Variants in LSG1 observed in about 807,000 individuals in gnomAD.
The protein encoded by LSG1 is large 60S subunit nuclear export GTPase 1.
In LSG1, 55 loss-of-function variants were observed where a neutral mutation model predicts 82.6. The ratio of observed to expected loss-of-function variants is 0.67; its 90% confidence interval spans 0.54 to 0.83. LSG1 has a LOEUF of 0.83. Ranked by LOEUF, LSG1 falls within the 40% of genes least tolerant of loss-of-function variation. The probability of loss-of-function intolerance (pLI) is 0.00; values close to 1 mark genes in which losing one functional copy is unlikely to be tolerated. For missense variants in LSG1, 809 were observed against 807.9 expected (o/e 1.00, Z -0.02); for synonymous variants, 272 against 282.5 (o/e 0.96, Z 0.37).
At chr3:194,664,157 T>TC (rs1350122421) in intron 5 of LSG1, among the ~76,000 whole-genome samples, 130 of 152,276 alleles carry the variant, frequency 8.5e-4, no homozygotes, top group Non-Finnish European at 4.4e-5. Context: ...TTCACCACGT[T>TC]CCTCAGGCTG....
At chr3:194,663,971 G>C (rs1368117757) in intron 5 of LSG1, among the ~76,000 whole-genome samples, 1 of 152,132 alleles carries the variant, frequency 6.6e-6, no homozygotes, top group East Asian at 1.9e-4. Context: ...TTTAGTCCAA[G>C]TACTGTTTTC....
At chr3:194,644,944 T>G (rs1175561208) in intron 12 of LSG1, 198 bp from the exon 13 acceptor site, 13 of 407,578 alleles carry the variant, frequency 3.2e-5, no homozygotes, top group Admixed American at 8.7e-5. Context: ...GACCTAGCTC[T>G]TCCCATGGCG....
At chr3:194,643,092 A>G (rs891411423) in intron 13 of LSG1, among the ~76,000 whole-genome samples, 4 of 152,224 alleles carry the variant, frequency 2.6e-5, no homozygotes, top group Non-Finnish European at 5.9e-5. Flanking sequence ...TATTTTCGCT[A>G]TAGTAGTCAC....
At chr3:194,653,894 C>T (rs1718739534) in intron 7 of LSG1, among the ~76,000 whole-genome samples, 1 of 152,168 alleles carries the variant, frequency 6.6e-6, no homozygotes, top group Non-Finnish European at 1.5e-5. Context: ...AAAACCACCA[C>T]CACAACAACA....
chr3:194,671,913 G>A (rs1012714268), intron 1 of LSG1, 151 bp downstream of exon 1: 8 of 706,784 alleles, frequency 1.1e-5, no homozygotes, highest in African/African-American at 1.8e-5. Flanking sequence ...CAGGAGGAGG[G>A]CCTGCTACTC....
intron 12 of LSG1, chr3:194,645,495 T>TACACACACAC (rs56936610): frequency 6.4e-5 from 4 of 62,030 alleles, no homozygotes; most frequent in Non-Finnish European, 9.1e-5. Flanking sequence ...AGCTTAGTGC[T>TACACACACAC]ACACACACAC....
chr3:194,659,860 T>C (rs1417924788), intron 6 of LSG1, among the ~76,000 whole-genome samples: 1 of 152,250 alleles, frequency 6.6e-6, no homozygotes, highest in African/African-American at 2.4e-5. Flanking sequence ...CTCATTTAAG[T>C]GTCTGTGCCT....
At chr3:194,671,985 T>G in intron 1 of LSG1, 79 bp downstream of exon 1, 1 of 1,367,010 alleles carries the variant, frequency 7.3e-7, no homozygotes. Flanking sequence ...CCTGCAAAAC[T>G]TATCTGACTT....
At chr3:194,662,980 C>T (rs1387400076) in intron 5 of LSG1, among the ~76,000 whole-genome samples, 4 of 152,130 alleles carry the variant, frequency 2.6e-5, no homozygotes, top group African/African-American at 9.7e-5. Context: ...CACCACTAGA[C>T]ACCTGAGGAA....
At chr3:194,644,812 C>G in intron 12 of LSG1, 66 bp from the exon 13 acceptor site, 1 of 1,339,262 alleles carries the variant, frequency 7.5e-7, no homozygotes, top group East Asian at 2.5e-5. Flanking sequence ...GAGGAGACAG[C>G]TCCACCCAGT....
rs1373479664 is a variant in LSG1, at chr3:194,672,046, T to C, written c.99+18A>G. The C allele has an allele frequency of 3.1e-6, 5 of 1,606,362 alleles. No individual in the cohort carries two copies. The East Asian group carries it at 6.7e-5, about 21-fold the overall frequency. ...GGCTAGACAGAAAAGATAAGAAAGA[T>C]GACATGGTCTGTCTTACCCAGGAGT... On this transcript the variant is annotated intron_variant, in intron 1 of 13. Transcript: ENST00000265245.
chr3:194,644,852 G>T, intron 12 of LSG1, 106 bp from the exon 13 acceptor site: 1 of 875,714 alleles, frequency 1.1e-6, no homozygotes. Context: ...CTGCCTTCTG[G>T]TTAAGTTAGC....
intron 5 of LSG1, among the ~76,000 whole-genome samples, chr3:194,663,008 T>G (rs1317363379): frequency 6.6e-6 from 1 of 151,818 alleles, no homozygotes; most frequent in Non-Finnish European, 1.5e-5. Context: ...TCCGTAAAAG[T>G]CAGAAACCAG....
intron 13 of LSG1, 100 bp downstream of exon 13, chr3:194,644,473 T>G: frequency 1.6e-6 from 1 of 641,754 alleles, no homozygotes; most frequent in Non-Finnish European, 2.4e-6. Flanking sequence ...ATTAAACCCT[T>G]TTTGGGGTTA....
At position 194,672,181 on chromosome 3, in the gene LSG1, C is replaced by G; in HGVS notation, c.-19G>C. The G allele has an allele frequency of 6.4e-7, 1 of 1,562,432 alleles. No individual in the cohort carries two copies. Among genetic ancestry groups the G allele is most frequent in the Non-Finnish European group, 8.7e-7 (1 of 1,147,340 alleles). The stretch of plus-strand genomic sequence containing the variant: ...GGCCCATGGCAACACGACCGCTGGA[C>G]GAAGCTTCCCGGCTCGGCGCGTGCA... On this transcript the variant is annotated 5_prime_UTR_variant, in exon 1 of 14. Transcript: ENST00000265245.
At chr3:194,642,379 T>G in intron 13 of LSG1, 132 bp from the exon 14 acceptor site, 1 of 598,166 alleles carries the variant, frequency 1.7e-6, no homozygotes, top group Non-Finnish European at 2.7e-6. Flanking sequence ...CCCCCTCCCC[T>G]TCACTGGTCC....
chr3:194,667,287 G>A (rs1446204880), intron 2 of LSG1, among the ~76,000 whole-genome samples: 1 of 152,060 alleles, frequency 6.6e-6, no homozygotes, highest in Admixed American at 6.5e-5. Flanking sequence ...CTGACCTCAG[G>A]TGATCCGCCC....
chr3:194,669,200 C>T (rs1311360174), intron 2 of LSG1, among the ~76,000 whole-genome samples: 1 of 152,134 alleles, frequency 6.6e-6, no homozygotes, highest in East Asian at 1.9e-4. Flanking sequence ...ATCTTGTTCT[C>T]ACCGCACACA....
chr3:194,658,807 T>C (rs1050337596), intron 7 of LSG1, 150 bp downstream of exon 7: 1 of 769,510 alleles, frequency 1.3e-6, no homozygotes. Flanking sequence ...TGTGATTCAC[T>C]TTCTATAGGT....
Sources: allele counts gnomAD v4.1 joint callset (sites outside exome capture counted in the v4.1 genomes callset), GRCh38; gene constraint gnomAD v4.1.1; transcripts MANE v1.5; gene names NCBI Gene and HGNC (gene_info 2026-07-23, HGNC 2026-07-21).